MGARP: variants seen among roughly 807,000 people sequenced by gnomAD.
The protein encoded by MGARP is mitochondria localized glutamic acid rich protein, also known as protein MGARP.
Under a neutral mutation model 11.0 loss-of-function variants are expected in MGARP, and 12 were observed. That is an observed-to-expected ratio of 1.09 (90% CI 0.70 to 1.77). MGARP has a LOEUF of 1.77. Ranked by LOEUF, MGARP falls within the 40% of genes most tolerant of loss-of-function variation. The pLI, the probability that MGARP is intolerant of heterozygous loss-of-function variation, is 0.00. For synonymous variants in MGARP, 110 were observed against 115.4 expected, an observed-to-expected ratio of 0.95 and a Z score of 0.30; for missense variants, 283 against 297.8, an observed-to-expected ratio of 0.95 and a Z score of 0.36.
intron 1 of MGARP, among the ~76,000 whole-genome samples, chr4:139,278,310 A>T (rs545962782): frequency 2.6e-5 from 4 of 152,202 alleles, no homozygotes; most frequent in Non-Finnish European, 5.9e-5. Context: ...TCCTTCAATA[A>T]AACTGAAAAA....
intron 2 of MGARP, among the ~76,000 whole-genome samples, chr4:139,271,607 T>C (rs577245922): frequency 1.3e-5 from 2 of 152,322 alleles, no homozygotes; most frequent in South Asian, 4.1e-4. Flanking sequence ...AATGGAAAAC[T>C]GCTTTTGGCT....
intron 2 of MGARP, among the ~76,000 whole-genome samples, chr4:139,273,177 A>T (rs956248455): frequency 2.6e-5 from 4 of 152,104 alleles, no homozygotes; most frequent in Non-Finnish European, 5.9e-5. Context: ...CTGGGATTAT[A>T]GGCGTAAGCC....
Position 139,272,437 on chromosome 4 carries a change from T to C in MGARP, c.186+2852A>G, listed in dbSNP as rs1023180238. On this transcript the variant is annotated intron_variant, in intron 2 of 3. Transcript: ENST00000398955. Reference sequence around the variant, plus strand: ...AGCTGGGCGTGGTAGTGGGCACCTGTAGTCCCAGCTACTCAGGAGGCTGAG... The same window carrying C: ...AGCTGGGCGTGGTAGTGGGCACCTGCAGTCCCAGCTACTCAGGAGGCTGAG... Among the ~76,000 whole-genome samples, 5 of 151,104 alleles carry C rather than the reference T, an allele frequency of 3.3e-5. No homozygotes were observed. In the South Asian group the frequency reaches 6.3e-4, roughly 19 times the overall value.
At chr4:139,270,858 C>G (rs1744770299) in intron 2 of MGARP, among the ~76,000 whole-genome samples, 1 of 152,064 alleles carries the variant, frequency 6.6e-6, no homozygotes, top group African/African-American at 2.4e-5. Flanking sequence ...GTCAGTATCC[C>G]CAGTTCTCAG....
At chr4:139,270,482 G>T (rs1224635580) in intron 2 of MGARP, among the ~76,000 whole-genome samples, 1 of 151,320 alleles carries the variant, frequency 6.6e-6, no homozygotes, top group East Asian at 1.9e-4. Context: ...GGTGGCGGGC[G>T]CCTGTAGTCC....
intron 1 of MGARP, among the ~76,000 whole-genome samples, chr4:139,278,490 G>C (rs1020737032): frequency 6.6e-6 from 1 of 152,190 alleles, no homozygotes; most frequent in African/African-American, 2.4e-5. Flanking sequence ...AGCATTGCTA[G>C]ATACGTATTT....
intron 1 of MGARP, among the ~76,000 whole-genome samples, chr4:139,279,595 T>C (rs1179544992): frequency 6.6e-6 from 1 of 152,174 alleles, no homozygotes; most frequent in African/African-American, 2.4e-5. Flanking sequence ...CCTGCCTCAC[T>C]GCCTCCCAGC....
intron 2 of MGARP, among the ~76,000 whole-genome samples, chr4:139,274,352 G>T (rs1046320274): frequency 6.6e-6 from 1 of 152,004 alleles, no homozygotes; most frequent in African/African-American, 2.4e-5. Flanking sequence ...ATCAGTGCAA[G>T]ATTTTAATAG....
chr4:139,267,493 TG>T (rs1276567540), intron 3 of MGARP, among the ~76,000 whole-genome samples: 1 of 152,232 alleles, frequency 6.6e-6, no homozygotes, highest in Non-Finnish European at 1.5e-5. Flanking sequence ...AGTTCCTAGC[TG>T]GTGACTCAGA....
At chr4:139,272,686 CTTT>C (rs774228171) in intron 2 of MGARP, among the ~76,000 whole-genome samples, 2 of 111,228 alleles carry the variant, frequency 1.8e-5, no homozygotes, top group African/African-American at 3.6e-5. Flanking sequence ...ATTCATATTT[CTTT>C]TTTTTTTTTT....
In MGARP at chr4:139,275,341, T is replaced by G. The variant is rs201567965; in HGVS notation, c.134A>C (p.Asn45Thr). The G allele has an allele frequency of 9.0e-5, 145 of 1,613,966 alleles. No homozygotes were observed. The African/African-American group carries it at 1.6e-3, about 18-fold the overall frequency. The change falls in exon 2 of 4, where the codon AAT (asparagine) becomes ACT (threonine). Residue 45 changes from asparagine to threonine, a missense_variant. Asn to Thr is a moderately conservative substitution (Grantham distance 65, BLOSUM62 0). Transcript: ENST00000398955. ...SNRFPGSSGS[N>T]MIYYLVVGVT... ...GCCTACAACCAGATAATAAATCATATTTGATCCAGATGATCCAGGGAATCT... is the reference window on the plus strand; with the variant it reads ...GCCTACAACCAGATAATAAATCATAGTTGATCCAGATGATCCAGGGAATCT...
rs774549021 is a variant in MGARP at position 139,266,833 on chromosome 4, T to C, written c.489A>G (p.Ala163=). 1 of 1,614,200 alleles carries C rather than the reference T, an allele frequency of 6.2e-7. No homozygotes were observed. The highest frequency in any genetic ancestry group is 1.1e-5 in the South Asian group (1 of 91,078). Residue 163 remains alanine, a synonymous_variant, in exon 4 of 4, where the codon GCA becomes GCG. Coordinates refer to ENST00000398955, the MANE Select transcript of MGARP (RefSeq NM_032623.4). ...TTACTTCCGTGGTTTCCCTCGCCGC[T>C]GCATCTGTGACCTCTGGCCCGGTTT... is the stretch of plus-strand genomic sequence containing the variant. ...SAETGPEVTD[A]AARETTEVNP... is the part of the protein sequence containing the mutation.
intron 1 of MGARP, among the ~76,000 whole-genome samples, chr4:139,277,248 T>A (rs866063324): frequency 6.6e-6 from 1 of 152,214 alleles, no homozygotes; most frequent in Admixed American, 6.5e-5. Context: ...ACAGGGCGAA[T>A]CTTAAGGCAT....
Position 139,266,702 on chromosome 4 carries a change from T to C in MGARP, c.620A>G (p.Glu207Gly). ...TKNETSDEYA[E>G]LEEENSPAES... ...AGCTGGAGAATTTTCTTCTTCTAGT[T>C]CAGCATATTCATCAGAGGTTTCGTT... Residue 207 changes from glutamate (E) to glycine (G), a missense_variant, in exon 4 of 4, where the codon GAA becomes GGA. Coordinates refer to ENST00000398955, the MANE Select transcript of MGARP (RefSeq NM_032623.4). The C allele has an allele frequency of 6.2e-7, 1 of 1,614,166 alleles. No individual in the cohort carries two copies. The highest frequency in any genetic ancestry group is 8.5e-7 in the Non-Finnish European group (1 of 1,180,026).
intron 2 of MGARP, 72 bp downstream of exon 2, chr4:139,275,217 C>T (rs1372531746): frequency 7.6e-6 from 9 of 1,189,570 alleles, no homozygotes; most frequent in East Asian, 4.7e-5. Flanking sequence ...CTGATCTTGA[C>T]GTTGCTTTGA....
chr4:139,268,387 C>G (rs951116503), intron 3 of MGARP, among the ~76,000 whole-genome samples: 1 of 152,224 alleles, frequency 6.6e-6, no homozygotes, highest in East Asian at 1.9e-4. Flanking sequence ...TGGGTGGATG[C>G]CTGAGCAGGG....
rs147634548 is a variant in MGARP, at chr4:139,274,763, G to A, written c.186+526C>T. Among the ~76,000 whole-genome samples, 1,178 of 152,228 alleles carry A rather than the reference G, an allele frequency of 7.7e-3. 13 individuals carry two copies. The highest frequency in any genetic ancestry group is 0.026 in the African/African-American group (1,090 of 41,526). On this transcript the variant is annotated intron_variant, in intron 2 of 3. Transcript: ENST00000398955. Reference sequence around the variant, plus strand: ...CTCCCAAAGTGCTGGGATTACAGGCGTGAGCCACTGCACCCAGCTCCTATA... The same window carrying A: ...CTCCCAAAGTGCTGGGATTACAGGCATGAGCCACTGCACCCAGCTCCTATA...
At position 139,275,393 on chromosome 4, in the gene MGARP, C is replaced by T. The variant is rs867689214; in HGVS notation, c.83-1G>A. ...TTAGATGACATCCGGCGCAGAGATG[C>T]TAGGAAAAAAATGTTTAAACACAGT... On this transcript the variant is annotated splice_acceptor_variant, in intron 1 of 3. Coordinates refer to ENST00000398955, the MANE Select transcript of MGARP (RefSeq NM_032623.4). LOFTEE classifies it high-confidence loss of function. 13 of 1,608,226 alleles carry T rather than the reference C, an allele frequency of 8.1e-6. No individual in the cohort carries two copies. In the East Asian group the frequency reaches 1.8e-4, roughly 22 times the overall value.
intron 2 of MGARP, among the ~76,000 whole-genome samples, chr4:139,272,736 G>C (rs1179271585): frequency 1.6e-5 from 2 of 122,022 alleles, no homozygotes; most frequent in African/African-American, 6.5e-5. Context: ...CACCCAGGCT[G>C]AGTGCAGTGG....
Sources: allele counts gnomAD v4.1 joint callset (sites outside exome capture counted in the v4.1 genomes callset), GRCh38; gene constraint gnomAD v4.1.1; transcripts MANE v1.5; gene names NCBI Gene and HGNC (gene_info 2026-07-23, HGNC 2026-07-21).